Variants in CSNK1G2 observed in about 807,000 individuals in gnomAD.
CSNK1G2 encodes casein kinase 1 gamma 2, also known as casein kinase I isoform gamma-2.
Under a neutral mutation model 48.0 loss-of-function variants are expected in CSNK1G2, and 11 were observed. The observed-to-expected ratio is 0.23, with a 90% confidence interval of 0.14 to 0.38. The LOEUF is 0.38. Among genes scored for constraint, CSNK1G2 ranks in the 10% least tolerant of loss-of-function variants. CSNK1G2 has a pLI of 1.00. For missense variants in CSNK1G2, 446 were observed against 595.5 expected, an observed-to-expected ratio of 0.75 and a Z score of 2.61; for synonymous variants, 337 against 254.1, an observed-to-expected ratio of 1.33 and a Z score of -3.10.
intron 1 of CSNK1G2, among the ~76,000 whole-genome samples, chr19:1,959,948 ACC>A (rs2015143869): frequency 6.6e-6 from 1 of 151,614 alleles, no homozygotes; most frequent in Non-Finnish European, 1.5e-5. Context: ...GGCTCCCACA[ACC>A]CCGTTTGGGT....
Position 1,980,403 on chromosome 19 carries a change from GC to G in CSNK1G2, c.*202del. 1.5e-6 allele frequency: 1 copy of G among 658,424 alleles called. No homozygotes were observed. The highest frequency in any genetic ancestry group is 2.7e-6 in the Non-Finnish European group (1 of 372,404). 40.8% of individuals were successfully genotyped at this position (658,424 alleles called of 1,614,324 possible). On this transcript the variant is annotated 3_prime_UTR_variant, in exon 12 of 12. Coordinates refer to ENST00000255641, the MANE Select transcript of CSNK1G2 (RefSeq NM_001319.7). ...GTCACTTCCTTCATGTAAGACTTTG[GC>G]CGAAATTTCTACACCTGTGTCTAGT...
At chr19:1,967,018 G>C (rs1043722007) in intron 1 of CSNK1G2, among the ~76,000 whole-genome samples, 1 of 148,858 alleles carries the variant, frequency 6.7e-6, no homozygotes, top group Non-Finnish European at 1.5e-5. Flanking sequence ...CCACAGGCTT[G>C]CACACCACGC....
intron 1 of CSNK1G2, among the ~76,000 whole-genome samples, chr19:1,967,693 TG>T (rs2015409774): frequency 2.7e-5 from 3 of 111,936 alleles, no homozygotes; most frequent in African/African-American, 1.2e-4. Context: ...CTCCCCAGGC[TG>T]CCCCCACCAC....
chr19:1,980,385 C>G lies in CSNK1G2; in HGVS notation c.*182C>G, dbSNP rs749863666. ...CCACCCCCGGGACGTGGGGTCACTT[C>G]CTTCATGTAAGACTTTGGCCGAAAT... is the stretch of plus-strand genomic sequence containing the variant. On this transcript the variant is annotated 3_prime_UTR_variant, in exon 12 of 12. Coordinates refer to ENST00000255641, the MANE Select transcript of CSNK1G2 (RefSeq NM_001319.7). 2 of 712,184 alleles carry G rather than the reference C, an allele frequency of 2.8e-6. No homozygotes were observed. Among genetic ancestry groups the G allele is most frequent in the South Asian group, 3.2e-5 (2 of 62,480 alleles). The allele number at this position is 712,184 out of a possible 1,614,324, so 44.1% of individuals were successfully genotyped here.
chr19:1,947,834 G>A lies in CSNK1G2; in HGVS notation c.-266+6416G>A, dbSNP rs376799778. ...TGGAGAGGGGCGCTGTGTGGGGCTC[G>A]CTGCCTGAGCCCTGGGTGGACCGTG... On this transcript the variant is annotated intron_variant, in intron 1 of 11. Transcript: ENST00000255641. Among the ~76,000 whole-genome samples the A allele has an allele frequency of 8.5e-5, 13 of 152,206 alleles. No homozygotes were observed. In the East Asian group the frequency reaches 2.5e-3, roughly 29 times the overall value.
chr19:1,969,887 G>A lies in CSNK1G2; in HGVS notation c.115G>A (p.Val39Ile). Residue 39 changes from valine (V) to isoleucine (I), a missense_variant, in exon 2 of 12, where the codon GTC (valine) becomes ATC (isoleucine). Val to Ile is a conservative substitution (Grantham distance 29). Transcript: ENST00000255641. ...GIRSSGTSSG[V>I]LMVGPNFRVG... ...CCGGAGCTCGGGGACCAGCTCGGGGGTCCTGATGGTGGGCCCCAACTTCCG... is the reference window on the plus strand; with the variant it reads ...CCGGAGCTCGGGGACCAGCTCGGGGATCCTGATGGTGGGCCCCAACTTCCG... 1 of 1,312,918 alleles carries A rather than the reference G, an allele frequency of 7.6e-7. No individual in the cohort carries two copies. Among genetic ancestry groups the A allele is most frequent in the Non-Finnish European group, 9.8e-7 (1 of 1,022,222 alleles). The allele number at this position is 1,312,918 out of a possible 1,614,324, so 81.3% of individuals were successfully genotyped here. A position where few individuals can be genotyped will look rare whatever the true frequency, so the allele number is the denominator to read the frequency against.
chr19:1,979,432 G>GGGC, intron 8 of CSNK1G2, 29 bp downstream of exon 8: 1 of 1,466,522 alleles, frequency 6.8e-7, no homozygotes, highest in Non-Finnish European at 9.2e-7. Context: ...CCCGCCCTGT[G>GGGC]CCCCCCACCC....
At chr19:1,979,730 A>G in intron 9 of CSNK1G2, 22 bp from the exon 10 acceptor site, 1 of 1,602,862 alleles carries the variant, frequency 6.2e-7, no homozygotes, top group South Asian at 1.1e-5. Flanking sequence ...GCCCATCCTG[A>G]CCCCTGCTCC....
chr19:1,962,753 C>T (rs902992268), intron 1 of CSNK1G2, among the ~76,000 whole-genome samples: 44 of 151,436 alleles, frequency 2.9e-4, no homozygotes, highest in Non-Finnish European at 1.0e-4. Context: ...CTCGGTGCAG[C>T]AGCCACTGTG....
chr19:1,955,239 G>T (rs1021964517), intron 1 of CSNK1G2, among the ~76,000 whole-genome samples: 3 of 152,082 alleles, frequency 2.0e-5, no homozygotes, highest in Non-Finnish European at 4.4e-5. Flanking sequence ...CTGGGCACCC[G>T]CCCTGTGCCC....
chr19:1,975,693 G>A (rs748209615), intron 2 of CSNK1G2: 61 of 982,452 alleles, frequency 6.2e-5, no homozygotes, highest in Non-Finnish European at 7.2e-5. Flanking sequence ...AGGGGGCAGT[G>A]TCCTGAGCTC....
At chr19:1,954,204 TGGAGGG>T (rs1027840116) in intron 1 of CSNK1G2, 6 of 365,662 alleles carry the variant, frequency 1.6e-5, no homozygotes, top group Non-Finnish European at 2.8e-5. Context: ...CCCTCCATTG[TGGAGGG>T]CGCCCTTCCG....
At chr19:1,945,021 C>T (rs143808106) in intron 1 of CSNK1G2, among the ~76,000 whole-genome samples, 25 of 152,384 alleles carry the variant, frequency 1.6e-4, no homozygotes, top group Non-Finnish European at 2.5e-4. Context: ...GGGTGGCCAG[C>T]GTGAGCTAGC....
In CSNK1G2 at chr19:1,979,661, G is replaced by A; in HGVS notation, c.1002+18G>A. ...AGCCCCTGGTAGGTGGGGGGGTGCCGGTATGTGGGAGCGGGGGACCGGGAA... is the reference window on the plus strand; with the variant it reads ...AGCCCCTGGTAGGTGGGGGGGTGCCAGTATGTGGGAGCGGGGGACCGGGAA... On this transcript the variant is annotated intron_variant, in intron 9 of 11. Transcript: ENST00000255641. The A allele has an allele frequency of 1.2e-6, 2 of 1,601,718 alleles. No homozygotes were observed. The highest frequency in any genetic ancestry group is 1.7e-6 in the Non-Finnish European group (2 of 1,179,686).
rs754393831 is a variant in CSNK1G2, at chr19:1,978,768, C to A, written c.447+18C>A. 4.6e-6 allele frequency: 1 copy of A among 217,500 alleles called. No individual in the cohort carries two copies. The highest frequency in any genetic ancestry group is 1.5e-4 in the East Asian group (1 of 6,844). 13.5% of individuals were successfully genotyped at this position (217,500 alleles called of 1,614,324 possible). ...TCCAGCTGGTGCGCGGCGGGCGGGG[C>A]GGGGCGGGGCTCGGAGGGAAGAGGG... is the stretch of plus-strand genomic sequence containing the variant. On this transcript the variant is annotated intron_variant, in intron 5 of 11. Transcript: ENST00000255641. The surrounding 1 kb of genome is among the most constrained non-coding windows in gnomAD (Gnocchi z 7.3).
rs1169600814 is a variant in CSNK1G2, at chr19:1,978,953, A to T, written c.542A>T (p.Gln181Leu). 6.2e-7 allele frequency: 1 copy of T among 1,601,346 alleles called. No homozygotes were observed. Among genetic ancestry groups the T allele is most frequent in the Non-Finnish European group, 8.5e-7 (1 of 1,179,698 alleles). ...FLVGRPGTKRQHAIHIIDFGL... is the reference protein window; with the variant it reads ...FLVGRPGTKRLHAIHIIDFGL... ...GTGGGCCGCCCGGGGACCAAGCGGCAGCATGCCATCCACATCATCGACTTC... is the reference window on the plus strand; with the variant it reads ...GTGGGCCGCCCGGGGACCAAGCGGCTGCATGCCATCCACATCATCGACTTC... The change falls in exon 6 of 12, where the codon CAG (glutamine) becomes CTG (leucine). Residue 181 changes from glutamine to leucine, a missense_variant. By Grantham distance (113) the Gln-to-Leu change is moderately radical. Around this residue, in one of 2 missense-constraint regions of CSNK1G2, gnomAD observed 258 missense variants for 415.9 expected, o/e 0.62. Coordinates refer to ENST00000255641, the MANE Select transcript of CSNK1G2 (RefSeq NM_001319.7). The surrounding 1 kb of genome is among the most constrained non-coding windows in gnomAD (Gnocchi z 7.3).
chr19:1,961,058 T>G (rs1471577913), intron 1 of CSNK1G2, among the ~76,000 whole-genome samples: 1 of 152,200 alleles, frequency 6.6e-6, no homozygotes, highest in African/African-American at 2.4e-5. Flanking sequence ...TTTCCTCTCC[T>G]GTGGATGCGT....
At chr19:1,950,300 C>T (rs1264249200) in intron 1 of CSNK1G2, among the ~76,000 whole-genome samples, 14,363 of 144,142 alleles carry the variant, frequency 0.1, 983 homozygotes, top group East Asian at 0.18. Context: ...CCACCACACC[C>T]AGCTAATTGT....
chr19:1,977,452 C>G (rs539293349), intron 2 of CSNK1G2, among the ~76,000 whole-genome samples: 1 of 152,290 alleles, frequency 6.6e-6, no homozygotes, highest in Non-Finnish European at 1.5e-5. Context: ...GGGGGTGTAA[C>G]ATGTAAAAAG....
Sources: allele counts gnomAD v4.1 joint callset (sites outside exome capture counted in the v4.1 genomes callset), GRCh38; gene constraint gnomAD v4.1.1; regional missense constraint gnomAD v4.1.1; non-coding constraint Gnocchi (gnomAD v3.1); transcripts MANE v1.5; gene names NCBI Gene and HGNC (gene_info 2026-07-23, HGNC 2026-07-21).